The following ABCA13 variants were observed in gnomAD, a reference collection of about 807,000 sequenced individuals.
ABCA13 encodes ATP binding cassette subfamily A member 13, also known as ATP-binding cassette sub-family A member 13.
In ABCA13, 476 loss-of-function variants were observed where a neutral mutation model predicts 478.7. That is an observed-to-expected ratio of 0.99 (90% CI 0.92 to 1.07). ABCA13 has a LOEUF of 1.07. Among genes scored for constraint, ABCA13 ranks in the 50% least tolerant of loss-of-function variants. The pLI is 0.00. For missense variants in ABCA13, 6,060 were observed against 5,910.6 expected, an observed-to-expected ratio of 1.03 and a Z score of -0.83; for synonymous variants, 2,252 against 2,158.9, an observed-to-expected ratio of 1.04 and a Z score of -1.20.
At chr7:48,550,030 C>T (rs1255159642) in intron 55 of ABCA13, among the ~76,000 whole-genome samples, 1 of 151,698 alleles carries the variant, frequency 6.6e-6, no homozygotes, top group Non-Finnish European at 1.5e-5. Flanking sequence ...CAGTCTGATG[C>T]TAGTTTCTTT....
At chr7:48,557,924 A>G (rs945602658) in intron 55 of ABCA13, among the ~76,000 whole-genome samples, 14 of 152,114 alleles carry the variant, frequency 9.2e-5, no homozygotes, top group African/African-American at 3.1e-4. Context: ...TTTAAGGTCA[A>G]TAACTCTTAG....
Position 48,274,416 on chromosome 7 carries a change from A to T in ABCA13, c.4750A>T (p.Ser1584Cys). Reference protein sequence around the residue: ...TENLLNIFATSPKEKDVNSVG... With the variant: ...TENLLNIFATCPKEKDVNSVG... The stretch of plus-strand genomic sequence containing the variant: ...AAACTTGTTAAACATATTTGCCACC[A>T]GTCCAAAAGAAAAGGATGTAAACAG... Residue 1584 changes from serine to cysteine, a missense_variant, in exon 17 of 62, where the codon AGT (serine) becomes TGT (cysteine). Transcript: ENST00000435803. 1 of 1,612,824 alleles carries T rather than the reference A, an allele frequency of 6.2e-7. No homozygotes were observed. The highest frequency in any genetic ancestry group is 8.5e-7 in the Non-Finnish European group (1 of 1,179,530).
intron 1 of ABCA13, among the ~76,000 whole-genome samples, chr7:48,176,026 T>C (rs1794824607): frequency 6.6e-6 from 1 of 152,208 alleles, no homozygotes; most frequent in South Asian, 2.1e-4. Flanking sequence ...GCCTGTGTAC[T>C]GTGGATGGTA....
At chr7:48,506,535 G>A (rs1831225629) in intron 49 of ABCA13, 145 bp downstream of exon 49, 1 of 852,818 alleles carries the variant, frequency 1.2e-6, no homozygotes, top group African/African-American at 1.7e-5. Context: ...CAGGACTTGG[G>A]CATTTCTTTG....
intron 33 of ABCA13, among the ~76,000 whole-genome samples, chr7:48,373,117 A>G (rs1812919473): frequency 6.6e-6 from 1 of 152,226 alleles, no homozygotes; most frequent in Non-Finnish European, 1.5e-5. Context: ...AGCCAGTGGC[A>G]TCACTATAAA....
chr7:48,209,328 TA>T (rs1161696490), intron 3 of ABCA13, among the ~76,000 whole-genome samples: 1 of 152,166 alleles, frequency 6.6e-6, no homozygotes, highest in Admixed American at 6.5e-5. Context: ...TCTTTTTTGT[TA>T]TTTTTTTGTG....
At position 48,352,501 on chromosome 7, in the gene ABCA13, G is replaced by A. The variant is rs765657026; in HGVS notation, c.10688+14G>A. 2 of 1,575,262 alleles carry A rather than the reference G, an allele frequency of 1.3e-6. No homozygotes were observed. The highest frequency in any genetic ancestry group is 2.7e-5 in the African/African-American group (2 of 73,580). On this transcript the variant is annotated intron_variant, in intron 31 of 61. Coordinates refer to ENST00000435803, the MANE Select transcript of ABCA13 (RefSeq NM_152701.5). The stretch of plus-strand genomic sequence containing the variant: ...TACCAGCGACCTGTGAGTAGCCTGG[G>A]GCAGGAGCCACCGACAGTGAGAAGG...
intron 52 of ABCA13, among the ~76,000 whole-genome samples, chr7:48,518,348 C>T (rs1832286337): frequency 6.6e-6 from 1 of 152,138 alleles, no homozygotes; most frequent in Admixed American, 6.6e-5. Flanking sequence ...AAGCAGAGAG[C>T]TTCCCTGGGG....
intron 57 of ABCA13, among the ~76,000 whole-genome samples, chr7:48,594,193 A>C (rs182259653): frequency 6.6e-6 from 1 of 151,980 alleles, no homozygotes; most frequent in Non-Finnish European, 1.5e-5. Context: ...CTCATATTGT[A>C]AAAGTTAGGT....
intron 55 of ABCA13, among the ~76,000 whole-genome samples, chr7:48,534,473 C>T (rs796571724): frequency 2.7e-4 from 41 of 152,184 alleles, no homozygotes; most frequent in African/African-American, 9.6e-4. Flanking sequence ...TTTGAGGGTT[C>T]CTTAAAACGT....
chr7:48,394,008 C>T (rs1039095331), intron 38 of ABCA13, among the ~76,000 whole-genome samples: 5 of 152,146 alleles, frequency 3.3e-5, no homozygotes, highest in Admixed American at 1.3e-4. Flanking sequence ...CAAACCCAAC[C>T]CCCAGCTGTT....
rs928880653 is a variant in ABCA13 at position 48,314,262 on chromosome 7, G to A, written c.9712G>A (p.Ala3238Thr). 1 of 1,613,344 alleles carries A rather than the reference G, an allele frequency of 6.2e-7. No homozygotes were observed. The highest frequency in any genetic ancestry group is 8.5e-7 in the Non-Finnish European group (1 of 1,179,784). Residue 3238 changes from alanine to threonine, a missense_variant, in exon 26 of 62, where the codon GCT (alanine) becomes ACT (threonine). Transcript: ENST00000435803. The stretch of plus-strand genomic sequence containing the variant: ...ACAAAATGTCCAGGCCAGAAGTTCA[G>A]CTTTTGGTTCTTTCCAGTTTGTGAT... ...VSQNVQARSSAFGSFQFVMKM... is the reference protein window; with the variant it reads ...VSQNVQARSSTFGSFQFVMKM...
chr7:48,214,637 T>G (rs1158580895), intron 3 of ABCA13, among the ~76,000 whole-genome samples: 1 of 152,220 alleles, frequency 6.6e-6, no homozygotes, highest in Non-Finnish European at 1.5e-5. Flanking sequence ...CCTTGTACTT[T>G]TATGTAATGG....
At chr7:48,336,807 A>G (rs1806337270) in intron 28 of ABCA13, among the ~76,000 whole-genome samples, 1 of 152,200 alleles carries the variant, frequency 6.6e-6, no homozygotes, top group African/African-American at 2.4e-5. Flanking sequence ...TTGTTTGTGT[A>G]TGGATTAATT....
At chr7:48,356,630 C>T (rs1035077964) in intron 31 of ABCA13, among the ~76,000 whole-genome samples, 1 of 151,862 alleles carries the variant, frequency 6.6e-6, no homozygotes, top group African/African-American at 2.4e-5. Context: ...TCTCTCTCCT[C>T]CTTTTATTTT....
At chr7:48,325,675 AT>A (rs1235397694) in intron 27 of ABCA13, among the ~76,000 whole-genome samples, 1 of 151,984 alleles carries the variant, frequency 6.6e-6, no homozygotes, top group Non-Finnish European at 1.5e-5. Flanking sequence ...TTTAATATGA[AT>A]AATTATTACT....
At chr7:48,643,609 C>T (rs911592213) in intron 60 of ABCA13, among the ~76,000 whole-genome samples, 5 of 152,224 alleles carry the variant, frequency 3.3e-5, no homozygotes, top group African/African-American at 1.2e-4. Flanking sequence ...TTAATTGCTT[C>T]CTGGATTGGC....
chr7:48,213,194 A>T (rs1214778264), intron 3 of ABCA13, among the ~76,000 whole-genome samples: 3 of 152,202 alleles, frequency 2.0e-5, no homozygotes, highest in Non-Finnish European at 1.5e-5. Flanking sequence ...ATTAAAATAC[A>T]TTGGGACCTT....
intron 59 of ABCA13, among the ~76,000 whole-genome samples, chr7:48,632,312 T>C (rs994417493): frequency 3.3e-5 from 5 of 152,228 alleles, no homozygotes; most frequent in African/African-American, 1.2e-4. Context: ...TATCTATATC[T>C]ATCTTCTGGA....
Sources: allele counts gnomAD v4.1 joint callset (sites outside exome capture counted in the v4.1 genomes callset), GRCh38; gene constraint gnomAD v4.1.1; transcripts MANE v1.5; gene names NCBI Gene and HGNC (gene_info 2026-07-23, HGNC 2026-07-21).